The following APP variants were observed in gnomAD, a reference collection of about 807,000 sequenced individuals.
APP encodes the protein amyloid-beta precursor protein.
APP carries 31 observed loss-of-function variants against 101.4 expected under a neutral mutation model. That is an observed-to-expected ratio of 0.31 (90% CI 0.23 to 0.41). The LOEUF is 0.41. Ranked by LOEUF, APP falls within the 10% of genes least tolerant of loss-of-function variation. APP has a pLI of 1.00. For synonymous variants in APP, 366 were observed against 364.4 expected, an observed-to-expected ratio of 1.00 and a Z score of -0.05; for missense variants, 839 against 1,003.7, an observed-to-expected ratio of 0.84 and a Z score of 2.22.
intron 6 of APP, among the ~76,000 whole-genome samples, chr21:26,007,832 G>A (rs1280453222): frequency 1.3e-5 from 2 of 152,166 alleles, no homozygotes; most frequent in Non-Finnish European, 2.9e-5. Context: ...GTAGTGGCAA[G>A]CAGTCGTCAA....
intron 5 of APP, among the ~76,000 whole-genome samples, chr21:26,042,469 G>C (rs2045415552): frequency 6.6e-6 from 1 of 152,112 alleles, no homozygotes; most frequent in South Asian, 2.1e-4. Context: ...ATACCATCTG[G>C]TTATTATTTT....
chr21:25,982,441 T>C lies in APP; in HGVS notation c.1127A>G (p.Asp376Gly). 6.2e-7 allele frequency: 1 copy of C among 1,613,760 alleles called. No individual in the cohort carries two copies. Among genetic ancestry groups the C allele is most frequent in the Non-Finnish European group, 8.5e-7 (1 of 1,179,840 alleles). ...ATCCCCAGGTGTCTCGAGATACTTGTCAACGGCATCAGGGGTACTGGCTGC... is the reference window on the plus strand; with the variant it reads ...ATCCCCAGGTGTCTCGAGATACTTGCCAACGGCATCAGGGGTACTGGCTGC... ...TTAASTPDAV[D>G]KYLETPGDEN... The change falls in exon 9 of 18, where the codon GAC (aspartate) becomes GGC (glycine). Residue 376 changes from aspartate to glycine, a missense_variant. Asp to Gly is a moderately conservative substitution (Grantham distance 94). Transcript: ENST00000346798.
At chr21:25,947,741 G>T (rs1261860392) in intron 13 of APP, among the ~76,000 whole-genome samples, 1 of 152,116 alleles carries the variant, frequency 6.6e-6, no homozygotes, top group Admixed American at 6.6e-5. Flanking sequence ...GGGGGCTCAC[G>T]CCTGTATTCC....
chr21:25,908,978 T>C (rs114256311), intron 14 of APP, among the ~76,000 whole-genome samples: 2,309 of 152,124 alleles, frequency 0.015, 53 homozygotes, highest in African/African-American at 0.053. Context: ...TAAAAACCAA[T>C]TGGGGCCGGG....
intron 1 of APP, among the ~76,000 whole-genome samples, chr21:26,132,846 T>A (rs2146279710): frequency 6.6e-6 from 1 of 152,326 alleles, no homozygotes; most frequent in Admixed American, 6.5e-5. Flanking sequence ...TCTAAGAAAG[T>A]GAATAAACGG....
rs1333243110 is a variant in APP at position 25,888,874 on chromosome 21, C to T, written c.2211+2848G>A. On this transcript the variant is annotated intron_variant, in intron 17 of 17. Transcript: ENST00000346798. ...CATTTTCCACTCCCTGAGGCTTGCG[C>T]GGAGAACTAAAAGGAAGGAGTGTTA... Among the ~76,000 whole-genome samples, 5 of 152,128 alleles carry T rather than the reference C, an allele frequency of 3.3e-5. No individual in the cohort carries two copies. The South Asian group carries it at 8.3e-4, about 25-fold the overall frequency.
chr21:26,123,131 G>A (rs1224961381), intron 1 of APP, among the ~76,000 whole-genome samples: 1 of 152,100 alleles, frequency 6.6e-6, no homozygotes, highest in Non-Finnish European at 1.5e-5. Flanking sequence ...AATATTGCAG[G>A]AACAGAACAT....
intron 16 of APP, among the ~76,000 whole-genome samples, chr21:25,894,557 C>A (rs1478638509): frequency 6.6e-6 from 1 of 152,160 alleles, no homozygotes; most frequent in African/African-American, 2.4e-5. Context: ...GATGTCACAG[C>A]AGATGTGGTG....
At chr21:26,108,284 CA>C (rs2062229977) in intron 2 of APP, among the ~76,000 whole-genome samples, 1 of 152,180 alleles carries the variant, frequency 6.6e-6, no homozygotes, top group African/African-American at 2.4e-5. Flanking sequence ...ACAACATATT[CA>C]AAACATAACT....
At chr21:26,003,230 C>T (rs772106004) in intron 6 of APP, among the ~76,000 whole-genome samples, 1 of 152,190 alleles carries the variant, frequency 6.6e-6, no homozygotes, top group Admixed American at 6.5e-5. Flanking sequence ...ACTCAAAATC[C>T]ATTTACATGT....
intron 1 of APP, among the ~76,000 whole-genome samples, chr21:26,113,701 G>A (rs1046812245): frequency 6.6e-6 from 1 of 152,178 alleles, no homozygotes; most frequent in Admixed American, 6.5e-5. Flanking sequence ...TGACTTCCAT[G>A]AAACTGGGGG....
chr21:26,165,860 T>A (rs1183511439), intron 1 of APP, among the ~76,000 whole-genome samples: 2 of 152,196 alleles, frequency 1.3e-5, no homozygotes. Flanking sequence ...AGCTAGCTAA[T>A]CTACTAAGCA....
intron 11 of APP, 149 bp downstream of exon 11, chr21:25,974,921 A>G: frequency 8.1e-7 from 1 of 1,235,066 alleles, no homozygotes; most frequent in Non-Finnish European, 1.1e-6. Context: ...TTTGACCTTC[A>G]AGATGGAATG....
chr21:25,956,053 A>G (rs977742658), intron 11 of APP, among the ~76,000 whole-genome samples: 2 of 152,202 alleles, frequency 1.3e-5, no homozygotes, highest in Non-Finnish European at 2.9e-5. Context: ...AAGAGAACAG[A>G]TTTGAGGTCT....
chr21:25,918,365 C>T (rs1487333266), intron 13 of APP, among the ~76,000 whole-genome samples: 1 of 152,162 alleles, frequency 6.6e-6, no homozygotes, highest in Non-Finnish European at 1.5e-5. Context: ...AGGATGAGTT[C>T]GGGAGGTGGG....
At chr21:25,975,817 T>C (rs1414782133) in intron 10 of APP, 137 bp downstream of exon 10, 5 of 729,526 alleles carry the variant, frequency 6.9e-6, no homozygotes, top group Non-Finnish European at 1.2e-5. Flanking sequence ...TACTAGACAA[T>C]GATTAAGAAC....
At chr21:26,121,881 G>A (rs1177980262) in intron 1 of APP, among the ~76,000 whole-genome samples, 1 of 152,014 alleles carries the variant, frequency 6.6e-6, no homozygotes, top group East Asian at 1.9e-4. Context: ...TGACCCACTC[G>A]GAACGTAGAG....
intron 11 of APP, among the ~76,000 whole-genome samples, chr21:25,967,141 T>C (rs1319734486): frequency 6.6e-6 from 1 of 152,230 alleles, no homozygotes; most frequent in Non-Finnish European, 1.5e-5. Flanking sequence ...ATTTAACATG[T>C]GGCTGAACCA....
chr21:26,056,098 T>C (rs1045727874), intron 3 of APP, among the ~76,000 whole-genome samples: 12 of 152,214 alleles, frequency 7.9e-5, no homozygotes, highest in Admixed American at 6.5e-4. Flanking sequence ...ATGTAGTGGT[T>C]GGATCAATGG....
Sources: gnomAD v4.1 joint callset for allele counts (sites outside exome capture counted in the v4.1 genomes callset) on GRCh38, gnomAD v4.1.1 for gene constraint, MANE v1.5 for transcripts, NCBI Gene and HGNC (gene_info 2026-07-23, HGNC 2026-07-21) for gene names.